Variants in MACROD1 observed in about 807,000 individuals in gnomAD.
The protein encoded by MACROD1 is mono-ADP ribosylhydrolase 1.
Under a neutral mutation model 41.4 loss-of-function variants are expected in MACROD1, and 31 were observed. The ratio of observed to expected loss-of-function variants is 0.75; its 90% CI spans 0.56 to 1.01. MACROD1 has a LOEUF of 1.01. Ranked by LOEUF, MACROD1 falls within the 50% of genes least tolerant of loss-of-function variation. MACROD1 has a pLI of 0.00. For synonymous variants in MACROD1, 252 were observed against 203.4 expected, an observed-to-expected ratio of 1.24 and a Z score of -2.03; for missense variants, 473 against 460.0, an observed-to-expected ratio of 1.03 and a Z score of -0.26.
intron 4 of MACROD1, among the ~76,000 whole-genome samples, chr11:64,007,071 C>T (rs1308547898): frequency 6.6e-6 from 1 of 152,176 alleles, no homozygotes; most frequent in Admixed American, 6.5e-5. Context: ...AAATCCTCAA[C>T]TCCAACAAAG....
chr11:64,093,313 T>G (rs1287027017), intron 3 of MACROD1, among the ~76,000 whole-genome samples: 2 of 152,208 alleles, frequency 1.3e-5, no homozygotes, highest in Non-Finnish European at 2.9e-5. Context: ...GCTGCTGGTG[T>G]TGTCACTGCT....
chr11:64,113,949 T>C (rs1202724685), intron 3 of MACROD1, among the ~76,000 whole-genome samples: 1 of 147,600 alleles, frequency 6.8e-6, no homozygotes, highest in Non-Finnish European at 1.5e-5. Flanking sequence ...GATGGATGGA[T>C]GGATGGATGG....
At chr11:64,007,334 G>C (rs895772107) in intron 4 of MACROD1, among the ~76,000 whole-genome samples, 1 of 152,236 alleles carries the variant, frequency 6.6e-6, no homozygotes, top group African/African-American at 2.4e-5. Flanking sequence ...TGGCCCCGAG[G>C]AAGGAGGGAG....
intron 3 of MACROD1, among the ~76,000 whole-genome samples, chr11:64,124,337 A>ATGC (rs1257137623): frequency 1.3e-5 from 2 of 152,180 alleles, no homozygotes; most frequent in Admixed American, 6.5e-5. Flanking sequence ...CAACACGCTC[A>ATGC]TGCTGCTGCT....
intron 3 of MACROD1, among the ~76,000 whole-genome samples, chr11:64,065,598 G>C (rs1041450827): frequency 2.6e-4 from 39 of 149,964 alleles, no homozygotes; most frequent in Admixed American, 4.0e-4. Flanking sequence ...GACCATCCTG[G>C]CTAACACGGT....
Position 64,113,871 on chromosome 11 carries a change from C to CATGGATGGAAGGATGG in MACROD1, c.517+37367_517+37368insCCATCCTTCCATCCAT, listed in dbSNP as rs572595392. ...GGACAGCTGGATGTATGGATTGATA[C>CATGGATGGAAGGATGG]ATGGATGGATGGATGGATGGATGGA... is the stretch of plus-strand genomic sequence containing the variant. On this transcript the variant is annotated intron_variant, in intron 3 of 10. Transcript: ENST00000255681. Among the ~76,000 whole-genome samples the CATGGATGGAAGGATGG allele has an allele frequency of 2.5e-3, 191 of 77,906 alleles. 4 individuals carry two copies. The highest frequency in any genetic ancestry group is 0.015 in the Middle Eastern group (1 of 66). 51.1% of individuals were successfully genotyped at this position (77,906 alleles called of 152,430 possible). A position where few individuals can be genotyped will look rare whatever the true frequency, so the allele number is the denominator to read the frequency against.
At chr11:64,055,449 G>A (rs979346110) in intron 3 of MACROD1, among the ~76,000 whole-genome samples, 1 of 152,148 alleles carries the variant, frequency 6.6e-6, no homozygotes, top group Admixed American at 6.5e-5. Context: ...GGCAGGGCAG[G>A]TAGCTCCTGG....
At chr11:64,095,124 G>C (rs1410809987) in intron 3 of MACROD1, among the ~76,000 whole-genome samples, 2 of 152,336 alleles carry the variant, frequency 1.3e-5, no homozygotes, top group South Asian at 4.1e-4. Flanking sequence ...GGAAAGCCAG[G>C]CGTCTGCAAA....
Position 64,128,715 on chromosome 11 carries a change from G to T in MACROD1, c.517+22524C>A, listed in dbSNP as rs148269482. Among the ~76,000 whole-genome samples, 602 of 151,914 alleles carry T rather than the reference G, an allele frequency of 4.0e-3. 3 individuals carry two copies. The highest frequency in any genetic ancestry group is 0.017 in the Middle Eastern group (5 of 292). On this transcript the variant is annotated intron_variant, in intron 3 of 10. Coordinates refer to ENST00000255681, the MANE Select transcript of MACROD1 (RefSeq NM_014067.4). ...AGGCCCAGTGTGGCTTAGACTTCAGGTCTATGCTGCACTGGTTTCCCACGC... is the reference window on the plus strand; with the variant it reads ...AGGCCCAGTGTGGCTTAGACTTCAGTTCTATGCTGCACTGGTTTCCCACGC...
intron 3 of MACROD1, among the ~76,000 whole-genome samples, chr11:64,051,908 AAG>A (rs1168651193): frequency 1.3e-4 from 19 of 151,578 alleles, no homozygotes; most frequent in African/African-American, 4.4e-4. Flanking sequence ...CGGGGGCTGC[AAG>A]AGAGGTAGAG....
intron 3 of MACROD1, among the ~76,000 whole-genome samples, chr11:64,074,362 C>T (rs1944163706): frequency 6.6e-6 from 1 of 152,198 alleles, no homozygotes; most frequent in Non-Finnish European, 1.5e-5. Context: ...CAACCACTGC[C>T]CTCTCACCTC....
At chr11:64,052,568 C>T (rs1943714016) in intron 3 of MACROD1, among the ~76,000 whole-genome samples, 1 of 152,200 alleles carries the variant, frequency 6.6e-6, no homozygotes, top group African/African-American at 2.4e-5. Flanking sequence ...TTCCACTCCT[C>T]ACCCGCTGCT....
At chr11:64,044,909 G>C (rs1454363642) in intron 3 of MACROD1, among the ~76,000 whole-genome samples, 1 of 152,210 alleles carries the variant, frequency 6.6e-6, no homozygotes, top group Non-Finnish European at 1.5e-5. Flanking sequence ...GCTGGGCCTG[G>C]GGCTGGTACT....
intron 3 of MACROD1, among the ~76,000 whole-genome samples, chr11:64,098,232 C>T (rs1054748353): frequency 1.3e-5 from 2 of 152,322 alleles, no homozygotes; most frequent in Admixed American, 1.3e-4. Context: ...AAAGACCAGG[C>T]CCCTCAGTGC....
At chr11:64,101,190 C>A (rs573741410) in intron 3 of MACROD1, among the ~76,000 whole-genome samples, 1 of 152,208 alleles carries the variant, frequency 6.6e-6, no homozygotes, top group South Asian at 2.1e-4. Flanking sequence ...GGGAACAGTA[C>A]AGTGAAGGGC....
Position 64,165,760 on chromosome 11 carries a change from C to T in MACROD1, c.235G>A (p.Ala79Thr). ...ACCTTCGCCGCCATGGCCAGGGGGG[C>T]CCAAGTGCGCACCCCGGCTGTCCGC... ...VGRTAGVRTW[A>T]PLAMAAKVDL... Residue 79 changes from alanine to threonine, a missense_variant, in exon 1 of 11, where the codon GCC (alanine) becomes ACC (threonine). Ala to Thr is a moderately conservative substitution (Grantham distance 58). Transcript: ENST00000255681. 6.7e-7 allele frequency: 1 copy of T among 1,499,012 alleles called. No homozygotes were observed. The highest frequency in any genetic ancestry group is 8.9e-7 in the Non-Finnish European group (1 of 1,129,524). The allele number at this position is 1,499,012 out of a possible 1,614,324, so 92.9% of individuals were successfully genotyped here. A position where few individuals can be genotyped will look rare whatever the true frequency, so the allele number is the denominator to read the frequency against.
rs1023599674 is a variant in MACROD1 at position 64,146,346 on chromosome 11, ACCT to A, written c.517+4890_517+4892del. Reference sequence around the variant, plus strand: ...GGAGAGGCAGGCACCGGCTCTGAGAACCTCCTCCTCCAGAAGAGGGGGCCTGCG... The same window carrying A: ...GGAGAGGCAGGCACCGGCTCTGAGAACCTCCTCCAGAAGAGGGGGCCTGCG... On this transcript the variant is annotated intron_variant, in intron 3 of 10. Transcript: ENST00000255681. The surrounding 1 kb of genome is among the most constrained non-coding windows in gnomAD (Gnocchi z 4.7). Among the ~76,000 whole-genome samples, 2 of 152,018 alleles carry A rather than the reference ACCT, an allele frequency of 1.3e-5. No individual in the cohort carries two copies. The highest frequency in any genetic ancestry group is 6.5e-5 in the Admixed American group (1 of 15,268).
At chr11:64,133,699 CCTGA>C (rs2134663794) in intron 3 of MACROD1, among the ~76,000 whole-genome samples, 1 of 152,294 alleles carries the variant, frequency 6.6e-6, no homozygotes, top group African/African-American at 2.4e-5. Flanking sequence ...GTCCCCAGTC[CCTGA>C]CTCTCAGACA....
At chr11:64,105,028 A>T (rs943367781) in intron 3 of MACROD1, among the ~76,000 whole-genome samples, 17 of 152,372 alleles carry the variant, frequency 1.1e-4, no homozygotes, top group Non-Finnish European at 2.2e-4. Flanking sequence ...GGGTTGATTT[A>T]TGATTGCACC....
Sources: allele counts gnomAD v4.1 joint callset (sites outside exome capture counted in the v4.1 genomes callset), GRCh38; gene constraint gnomAD v4.1.1; non-coding constraint Gnocchi (gnomAD v3.1); transcripts MANE v1.5; gene names NCBI Gene and HGNC (gene_info 2026-07-23, HGNC 2026-07-21).